Variants in PDE1C observed in about 807,000 individuals in gnomAD.
PDE1C encodes dual specificity calcium/calmodulin-dependent 3',5'-cyclic nucleotide phosphodiesterase 1C.
PDE1C carries 62 observed loss-of-function variants against 93.1 expected under a neutral mutation model. The ratio of observed to expected loss-of-function variants is 0.67; its 90% confidence interval spans 0.54 to 0.82. PDE1C has a LOEUF of 0.82. Ranked by LOEUF, PDE1C falls within the 40% of genes least tolerant of loss-of-function variation. The probability of loss-of-function intolerance (pLI) is 0.00; values close to 1 mark genes in which losing one functional copy is unlikely to be tolerated. For missense variants in PDE1C, 742 were observed against 884.6 expected (o/e 0.84, Z 2.04); for synonymous variants, 325 against 310.1 (o/e 1.05, Z -0.50).
intron 2 of PDE1C, among the ~76,000 whole-genome samples, chr7:32,199,090 T>C (rs1417245750): frequency 6.6e-6 from 1 of 151,702 alleles, no homozygotes; most frequent in African/African-American, 2.4e-5. Context: ...TCCACTGCAC[T>C]CCAGCCTGGG....
the PDE1C span, among the ~76,000 whole-genome samples, chr7:31,691,713 C>T: frequency 6.8e-6 from 1 of 148,032 alleles, no homozygotes; most frequent in Non-Finnish European, 1.5e-5. Flanking sequence ...CCCAGATTTT[C>T]TCCTACCATG....
At chr7:31,989,722 T>G (rs975153491) in intron 2 of PDE1C, among the ~76,000 whole-genome samples, 2 of 152,194 alleles carry the variant, frequency 1.3e-5, no homozygotes, top group Non-Finnish European at 2.9e-5. Flanking sequence ...AACTGTCTTT[T>G]GCTCTCCCTG....
chr7:32,055,760 G>A (rs902023096), intron 1 of PDE1C, among the ~76,000 whole-genome samples: 2 of 152,126 alleles, frequency 1.3e-5, no homozygotes, highest in Admixed American at 6.5e-5. Context: ...TCACTCTGTC[G>A]CCCAGGCTGG....
chr7:31,642,627 C>T, the PDE1C span: 2 of 1,501,472 alleles, frequency 1.3e-6, no homozygotes, highest in Non-Finnish European at 1.8e-6. Flanking sequence ...CACCTTAAAC[C>T]TATTGCCTCC....
intron 2 of PDE1C, among the ~76,000 whole-genome samples, chr7:31,890,185 A>T (rs1431068686): frequency 1.3e-5 from 2 of 152,198 alleles, no homozygotes; most frequent in African/African-American, 4.8e-5. Context: ...ACCCCAGGCC[A>T]TGCTGGGGAC....
intron 2 of PDE1C, among the ~76,000 whole-genome samples, chr7:32,177,619 A>G (rs149203859): frequency 9.8e-4 from 149 of 152,092 alleles, no homozygotes; most frequent in African/African-American, 2.9e-3. Context: ...CCCCAAGACC[A>G]CTGACATTAT....
At chr7:32,128,300 T>G (rs1327160900) in intron 3 of PDE1C, among the ~76,000 whole-genome samples, 1 of 151,894 alleles carries the variant, frequency 6.6e-6, no homozygotes, top group African/African-American at 2.4e-5. Flanking sequence ...AATATTTATA[T>G]GTAGTGGAAA....
intron 1 of PDE1C, among the ~76,000 whole-genome samples, chr7:32,345,001 C>A (rs389458): frequency 0.97 from 147,327 of 152,294 alleles, 71,466 homozygotes; most frequent in East Asian, 1. Flanking sequence ...CATGCTAATC[C>A]TTAACCTTGA....
chr7:32,299,872 A>G (rs927833328), upstream of PDE1C, among the ~76,000 whole-genome samples: 1 of 152,226 alleles, frequency 6.6e-6, no homozygotes, highest in Non-Finnish European at 1.5e-5. Context: ...GCTGAGTCAC[A>G]CAGAAGAGTC....
intron 2 of PDE1C, among the ~76,000 whole-genome samples, chr7:31,999,681 T>C (rs1785211604): frequency 6.6e-6 from 1 of 152,202 alleles, no homozygotes; most frequent in African/African-American, 2.4e-5. Context: ...ACAGATGAAC[T>C]CAAGGTGAGA....
chr7:31,929,754 C>T (rs973083739), intron 2 of PDE1C, among the ~76,000 whole-genome samples: 5 of 152,146 alleles, frequency 3.3e-5, no homozygotes, highest in Admixed American at 1.3e-4. Context: ...CAAGACACAA[C>T]GTATCAGAAT....
chr7:31,748,271 C>T (rs1233326950), downstream of PDE1C, among the ~76,000 whole-genome samples: 6 of 142,412 alleles, frequency 4.2e-5, no homozygotes, highest in East Asian at 1.2e-3. Flanking sequence ...ATCCTTTTAC[C>T]TTTGTGTCTT....
intron 9 of PDE1C, among the ~76,000 whole-genome samples, chr7:31,839,303 C>A (rs1791539250): frequency 1.3e-5 from 2 of 150,132 alleles, no homozygotes; most frequent in African/African-American, 4.9e-5. Context: ...TGAAAATATA[C>A]ACACATATTA....
chr7:31,907,659 G>A (rs988721428), intron 2 of PDE1C, among the ~76,000 whole-genome samples: 3 of 151,874 alleles, frequency 2.0e-5, no homozygotes, highest in African/African-American at 2.4e-5. Context: ...ATTTCAGGGC[G>A]AAAAGTAATC....
chr7:31,943,380 G>T (rs917057326), intron 2 of PDE1C, among the ~76,000 whole-genome samples: 3 of 152,130 alleles, frequency 2.0e-5, no homozygotes, highest in Admixed American at 6.6e-5. Context: ...CACTAGCCTG[G>T]CATGGCCACT....
At chr7:32,418,203 C>T (rs1785314234) in intron 1 of PDE1C, among the ~76,000 whole-genome samples, 2 of 151,934 alleles carry the variant, frequency 1.3e-5, no homozygotes, top group Non-Finnish European at 2.9e-5. Context: ...CATACTATTT[C>T]TTTCCATGGC....
At chr7:32,017,461 C>T (rs1788059780) in intron 2 of PDE1C, among the ~76,000 whole-genome samples, 1 of 151,998 alleles carries the variant, frequency 6.6e-6, no homozygotes. Context: ...AGATATGACA[C>T]CAAAAGCACA....
intron 2 of PDE1C, among the ~76,000 whole-genome samples, chr7:32,015,505 AT>A (rs1288472309): frequency 6.6e-6 from 1 of 152,076 alleles, no homozygotes. Flanking sequence ...AATTTATATG[AT>A]TCCTCATATT....
At chr7:31,983,604 G>A (rs888531865) in intron 2 of PDE1C, among the ~76,000 whole-genome samples, 5 of 151,522 alleles carry the variant, frequency 3.3e-5, no homozygotes, top group Non-Finnish European at 5.9e-5. Flanking sequence ...GACAGAGCAA[G>A]ACCCTGCCTC....
Sources: allele counts gnomAD v4.1 joint callset (sites outside exome capture counted in the v4.1 genomes callset), GRCh38; gene constraint gnomAD v4.1.1; transcripts MANE v1.5; gene names NCBI Gene and HGNC (gene_info 2026-07-23, HGNC 2026-07-21).